The following CADM2 variants were observed in gnomAD, a reference collection of about 807,000 sequenced individuals.
CADM2 encodes the protein immunoglobulin superfamily member 4D.
CADM2 carries 12 observed loss-of-function variants against 49.8 expected under a neutral mutation model. The ratio of observed to expected loss-of-function variants is 0.24; its 90% CI spans 0.15 to 0.39. The LOEUF (loss-of-function observed/expected upper bound fraction) is 0.39, where lower values mean the gene tolerates loss of function less well. Ranked by LOEUF, CADM2 falls within the 10% of genes least tolerant of loss-of-function variation. CADM2 has a pLI of 1.00. For synonymous variants in CADM2, 214 were observed against 175.4 expected, an observed-to-expected ratio of 1.22 and a Z score of -1.74; for missense variants, 378 against 492.3, an observed-to-expected ratio of 0.77 and a Z score of 2.20.
chr3:85,065,036 TTAAAA>T (rs1260256982), intron 1 of CADM2, among the ~76,000 whole-genome samples: 1 of 152,100 alleles, frequency 6.6e-6, no homozygotes, highest in African/African-American at 2.4e-5. Context: ...AGATGGAGTT[TTAAAA>T]TAAAATAATA....
At chr3:85,094,223 A>G (rs1428101789) in intron 1 of CADM2, among the ~76,000 whole-genome samples, 1 of 152,132 alleles carries the variant, frequency 6.6e-6, no homozygotes. Flanking sequence ...CTATTTTATA[A>G]ATAAATTCCT....
chr3:84,964,570 G>C (rs1186554235), intron 1 of CADM2, among the ~76,000 whole-genome samples: 1 of 152,168 alleles, frequency 6.6e-6, no homozygotes, highest in Non-Finnish European at 1.5e-5. Context: ...TAGCTGAATA[G>C]ATTGAGGAAG....
At chr3:85,246,277 C>T (rs2042643265) in intron 1 of CADM2, among the ~76,000 whole-genome samples, 1 of 151,870 alleles carries the variant, frequency 6.6e-6, no homozygotes, top group African/African-American at 2.4e-5. Flanking sequence ...AGGGGAACAT[C>T]ACACACCAGG....
In CADM2 at chr3:85,079,543, T is replaced by C. The variant is rs186968404; in HGVS notation, c.61+119875T>C. 2.1e-3 allele frequency among the ~76,000 whole-genome samples: 326 copies of C among 151,932 alleles called. 3 individuals carry two copies. Among genetic ancestry groups the C allele is most frequent in the African/African-American group, 7.6e-3 (314 of 41,536 alleles). ...ACAATGAGAAATAAAGCAACACACA[T>C]AAAGTGGAAACAGAAACATAGTGTT... On this transcript the variant is annotated intron_variant, in intron 1 of 9. Transcript: ENST00000383699.
At chr3:85,747,529 G>A (rs2068665823) in intron 2 of CADM2, among the ~76,000 whole-genome samples, 1 of 152,026 alleles carries the variant, frequency 6.6e-6, no homozygotes, top group African/African-American at 2.4e-5. Flanking sequence ...CAACATCAAT[G>A]GGAGAAAAAG....
At chr3:86,016,924 AT>A (rs1235280620) in intron 8 of CADM2, among the ~76,000 whole-genome samples, 2 of 152,084 alleles carry the variant, frequency 1.3e-5, no homozygotes, top group Non-Finnish European at 2.9e-5. Context: ...ACTTTCACTG[AT>A]TTTTTTAAAA....
intron 1 of CADM2, among the ~76,000 whole-genome samples, chr3:85,149,339 T>C (rs1031979338): frequency 9.9e-5 from 15 of 152,090 alleles, no homozygotes; most frequent in Non-Finnish European, 1.3e-4. Context: ...GCCTCCAGAA[T>C]TGTGAGCCAA....
chr3:86,009,195 G>C (rs908986722), intron 8 of CADM2, among the ~76,000 whole-genome samples: 2 of 114,838 alleles, frequency 1.7e-5, no homozygotes, highest in African/African-American at 3.8e-5. Context: ...ATATATGTAT[G>C]AATATATATG....
chr3:85,530,321 CGTTT>C lies in CADM2; in HGVS notation c.62-196200_62-196197del, dbSNP rs2061271475. 5.9e-5 allele frequency among the ~76,000 whole-genome samples: 7 copies of C among 119,056 alleles called. 1 individual carries two copies. Among genetic ancestry groups the C allele is most frequent in the Admixed American group, 2.6e-4 (3 of 11,534 alleles). 78.1% of individuals were successfully genotyped at this position (119,056 alleles called of 152,430 possible). ...GTGAGTCAGTTAGACTTCTTTTCTCCGTTTTTTTTTTTTTTTTTTTTTTTTTTGA... is the reference window on the plus strand; with the variant it reads ...GTGAGTCAGTTAGACTTCTTTTCTCCTTTTTTTTTTTTTTTTTTTTTTTGA... On this transcript the variant is annotated intron_variant, in intron 1 of 9. Coordinates refer to ENST00000383699, the MANE Select transcript of CADM2 (RefSeq NM_001167675.2).
At chr3:85,766,939 A>G (rs548589757) in intron 2 of CADM2, among the ~76,000 whole-genome samples, 1 of 152,130 alleles carries the variant, frequency 6.6e-6, no homozygotes, top group Non-Finnish European at 1.5e-5. Context: ...ATATATGTTC[A>G]GTTTTTGCCA....
At chr3:85,892,939 G>C (rs1438851978) in intron 5 of CADM2, among the ~76,000 whole-genome samples, 3 of 152,118 alleles carry the variant, frequency 2.0e-5, no homozygotes, top group African/African-American at 4.8e-5. Flanking sequence ...GAGACTTCTT[G>C]AATGGCTTTG....
chr3:85,238,305 A>G (rs2107829573), intron 1 of CADM2, among the ~76,000 whole-genome samples: 1 of 152,110 alleles, frequency 6.6e-6, no homozygotes, highest in African/African-American at 2.4e-5. Context: ...TAAACTAATA[A>G]TTTCTGTAGC....
chr3:85,494,412 G>A (rs186987635), intron 1 of CADM2, among the ~76,000 whole-genome samples: 6 of 152,130 alleles, frequency 3.9e-5, no homozygotes, highest in Admixed American at 2.6e-4. Flanking sequence ...CAAATTGAGA[G>A]GTCACCCAAA....
intron 1 of CADM2, among the ~76,000 whole-genome samples, chr3:85,049,855 C>T (rs2035814671): frequency 6.6e-5 from 10 of 152,060 alleles, no homozygotes; most frequent in Admixed American, 6.6e-4. Context: ...TTTTCAGTAG[C>T]ATAACTTTCA....
At chr3:85,428,804 T>C (rs2036539187) in intron 1 of CADM2, among the ~76,000 whole-genome samples, 1 of 151,240 alleles carries the variant, frequency 6.6e-6, no homozygotes, top group African/African-American at 2.4e-5. Context: ...CCATTTCGTC[T>C]TGCACCATGC....
chr3:85,647,594 CT>C (rs1248601801), intron 1 of CADM2, among the ~76,000 whole-genome samples: 1 of 151,694 alleles, frequency 6.6e-6, no homozygotes, highest in African/African-American at 2.4e-5. Flanking sequence ...TGAGGACACA[CT>C]TTATAAATGA....
intron 1 of CADM2, among the ~76,000 whole-genome samples, chr3:85,608,237 C>G (rs887278784): frequency 6.6e-6 from 1 of 152,052 alleles, no homozygotes; most frequent in African/African-American, 2.4e-5. Flanking sequence ...TACATATACA[C>G]TCATGTGTTG....
chr3:85,943,792 A>G (rs750782018), intron 7 of CADM2, among the ~76,000 whole-genome samples: 3 of 151,942 alleles, frequency 2.0e-5, no homozygotes, highest in Admixed American at 2.0e-4. Flanking sequence ...AAAACAAGCA[A>G]TGGGGAAAGG....
At chr3:85,271,480 C>CAAA (rs2043241256) in intron 1 of CADM2, among the ~76,000 whole-genome samples, 1 of 151,126 alleles carries the variant, frequency 6.6e-6, no homozygotes, top group Non-Finnish European at 1.5e-5. Flanking sequence ...AAACAGAAGG[C>CAAA]GTTTCCCAAA....
Sources: gnomAD v4.1 joint callset for allele counts (sites outside exome capture counted in the v4.1 genomes callset) on GRCh38, gnomAD v4.1.1 for gene constraint, MANE v1.5 for transcripts, NCBI Gene and HGNC (gene_info 2026-07-23, HGNC 2026-07-21) for gene names.